OR2L13: variants seen among roughly 807,000 people sequenced by gnomAD.
OR2L13 encodes olfactory receptor family 2 subfamily L member 13.
In OR2L13, 14 loss-of-function variants were observed where a neutral mutation model predicts 15.3. That is an observed-to-expected ratio of 0.91 (90% CI 0.60 to 1.43). The LOEUF is 1.43. Ranked by LOEUF, OR2L13 falls within the 40% of genes most tolerant of loss-of-function variation. The probability of loss-of-function intolerance (pLI) is 0.00; values close to 1 mark genes in which losing one functional copy is unlikely to be tolerated. For synonymous variants in OR2L13, 152 were observed against 142.9 expected (o/e 1.06, Z -0.45); for missense variants, 367 against 387.9 (o/e 0.95, Z 0.45).
chr1:248,037,810 A>G, the OR2L13 span, among the ~76,000 whole-genome samples: 5 of 152,284 alleles, frequency 3.3e-5, no homozygotes, highest in East Asian at 7.7e-4. Flanking sequence ...AAAGTCCACA[A>G]ATGAACACTT....
At chr1:248,075,018 C>T in the OR2L13 span, among the ~76,000 whole-genome samples, 2 of 152,122 alleles carry the variant, frequency 1.3e-5, no homozygotes, top group Non-Finnish European at 2.9e-5. Flanking sequence ...GCTGTCCCTC[C>T]CCCAGACCCC....
chr1:248,018,505 C>T, the OR2L13 span, among the ~76,000 whole-genome samples: 2 of 152,144 alleles, frequency 1.3e-5, no homozygotes, highest in South Asian at 2.1e-4. Flanking sequence ...TTCTTCTATA[C>T]TGGCCTTCAC....
the OR2L13 span, among the ~76,000 whole-genome samples, chr1:248,076,234 G>T: frequency 4.6e-5 from 7 of 151,296 alleles, no homozygotes; most frequent in East Asian, 1.3e-3. Context: ...GTACCGTGCT[G>T]CTTTGGTTAC....
chr1:248,044,446 C>CGGG, the OR2L13 span, among the ~76,000 whole-genome samples: 1 of 152,170 alleles, frequency 6.6e-6, no homozygotes, highest in African/African-American at 2.4e-5. Flanking sequence ...ATGACGTCAC[C>CGGG]ACTCACTCTC....
At chr1:248,002,056 T>C in the OR2L13 span, among the ~76,000 whole-genome samples, 1 of 152,222 alleles carries the variant, frequency 6.6e-6, no homozygotes, top group Non-Finnish European at 1.5e-5. Context: ...TGGATTTGTC[T>C]TAATGCCAAT....
At chr1:247,993,634 ATACT>A in the OR2L13 span, among the ~76,000 whole-genome samples, 1 of 152,054 alleles carries the variant, frequency 6.6e-6, no homozygotes, top group African/African-American at 2.4e-5. Flanking sequence ...TGTATGCATG[ATACT>A]TAGAGAAACA....
chr1:248,000,091 A>G, the OR2L13 span, among the ~76,000 whole-genome samples: 4 of 141,754 alleles, frequency 2.8e-5, no homozygotes, highest in Admixed American at 6.8e-5. Flanking sequence ...CTGCCTTCCT[A>G]GCTTTTTCTT....
chr1:248,028,039 G>C, the OR2L13 span, among the ~76,000 whole-genome samples: 9 of 150,526 alleles, frequency 6.0e-5, 1 homozygote, highest in Non-Finnish European at 1.2e-4. Flanking sequence ...TACTCAGGAG[G>C]CTGAGGCAGG....
chr1:248,054,153 T>C, the OR2L13 span, among the ~76,000 whole-genome samples: 14 of 152,214 alleles, frequency 9.2e-5, no homozygotes, highest in Admixed American at 5.2e-4. Flanking sequence ...AAGGAAGGAA[T>C]CCAGTTTCTA....
the OR2L13 span, chr1:248,060,717 C>T: frequency 6.2e-7 from 1 of 1,613,852 alleles, no homozygotes; most frequent in Non-Finnish European, 8.5e-7. Flanking sequence ...CTGATTTCAT[C>T]TTATTAGGAT....
At chr1:248,092,897 T>C (rs775432966), upstream of OR2L13, among the ~76,000 whole-genome samples, 3 of 152,178 alleles carry the variant, frequency 2.0e-5, no homozygotes, top group Non-Finnish European at 4.4e-5. Flanking sequence ...AGGAGTATGA[T>C]TGAATCTTTG....
At chr1:248,053,561 A>G in the OR2L13 span, among the ~76,000 whole-genome samples, 1 of 152,194 alleles carries the variant, frequency 6.6e-6, no homozygotes, top group Non-Finnish European at 1.5e-5. Context: ...ACTAATTTAC[A>G]TTCCCACCAA....
the OR2L13 span, chr1:248,004,145 C>T: frequency 1.9e-5 from 24 of 1,246,074 alleles, no homozygotes; most frequent in Non-Finnish European, 2.5e-5. Context: ...AATATCATTT[C>T]ATTCCTAGAG....
chr1:248,029,958 G>A, the OR2L13 span: 1 of 152,142 alleles, frequency 6.6e-6, no homozygotes, highest in Admixed American at 6.5e-5. Context: ...ACTCAACCTA[G>A]AATGTCCAAA....
At chr1:247,963,248 C>T in the OR2L13 span, among the ~76,000 whole-genome samples, 2 of 152,130 alleles carry the variant, frequency 1.3e-5, no homozygotes, top group African/African-American at 4.8e-5. Flanking sequence ...GAGGGGAGTT[C>T]CAGGAACGGA....
chr1:248,043,987 A>T, the OR2L13 span, among the ~76,000 whole-genome samples: 2 of 152,184 alleles, frequency 1.3e-5, no homozygotes, highest in Non-Finnish European at 2.9e-5. Context: ...GACACTCCCA[A>T]GTCTGGATCT....
the OR2L13 span, among the ~76,000 whole-genome samples, chr1:247,940,006 G>A: frequency 6.6e-6 from 1 of 152,036 alleles, no homozygotes; most frequent in Admixed American, 6.5e-5. Flanking sequence ...TCCTAAAATT[G>A]TATTTCAAGT....
chr1:247,956,460 G>GT, the OR2L13 span, among the ~76,000 whole-genome samples: 1 of 150,350 alleles, frequency 6.7e-6, no homozygotes, highest in East Asian at 1.9e-4. Context: ...CTTTAAAGTA[G>GT]TTTTTTCCAA....
chr1:248,093,742 A>AT (rs1031270452), upstream of OR2L13, among the ~76,000 whole-genome samples: 27 of 151,058 alleles, frequency 1.8e-4, no homozygotes, highest in Admixed American at 2.6e-4. Flanking sequence ...ATTCACTCTT[A>AT]TTTTTTTTTA....
Sources: gnomAD v4.1 joint callset for allele counts (sites outside exome capture counted in the v4.1 genomes callset) on GRCh38, gnomAD v4.1.1 for gene constraint, MANE v1.5 for transcripts, NCBI Gene and HGNC (gene_info 2026-07-23, HGNC 2026-07-21) for gene names.